Variants in ITGAX observed in about 807,000 individuals in gnomAD.
The protein encoded by ITGAX is integrin subunit alpha X.
ITGAX carries 99 observed loss-of-function variants against 140.2 expected under a neutral mutation model. That is an observed-to-expected ratio of 0.71 (90% CI 0.60 to 0.83). ITGAX has a LOEUF of 0.83. Among genes scored for constraint, ITGAX ranks in the 40% least tolerant of loss-of-function variants. ITGAX has a pLI of 0.00. For missense variants in ITGAX, 1,444 were observed against 1,482.0 expected (o/e 0.97, Z 0.42); for synonymous variants, 631 against 600.4 (o/e 1.05, Z -0.75).
At position 31,382,232 on chromosome 16, in the gene ITGAX, T is replaced by C. The variant is rs1313111665; in HGVS notation, c.*325T>C. On this transcript the variant is annotated 3_prime_UTR_variant, in exon 30 of 30. Transcript: ENST00000268296. ...CGAATGATCTTTCTTTCCTTTCTTT[T>C]TTTTTTTTTTTCTTTTCTTTTTTTT... 30 of 1,193,710 alleles carry C rather than the reference T, an allele frequency of 2.5e-5. No individual in the cohort carries two copies. Among genetic ancestry groups the C allele is most frequent in the Admixed American group, 3.7e-5 (1 of 27,320 alleles). The allele number at this position is 1,193,710 out of a possible 1,614,324, so 73.9% of individuals were successfully genotyped here. A position where few individuals can be genotyped will look rare whatever the true frequency, so the allele number is the denominator to read the frequency against.
chr16:31,380,802 G>C, intron 28 of ITGAX, 95 bp from the exon 29 acceptor site: 1 of 1,295,324 alleles, frequency 7.7e-7, no homozygotes, highest in Non-Finnish European at 1.1e-6. Flanking sequence ...CAGGGCCTGG[G>C]GAAGGAGGGG....
At position 31,355,297 on chromosome 16, in the gene ITGAX, C is replaced by T. The variant is rs553196346; in HGVS notation, c.37+6C>T. ...AGCACTCCTCCTGTTCACAGGTGAG[C>T]CTGGACCCCAATGAAGTAGGGCTGG... On this transcript the variant is annotated splice_donor_region_variant and intron_variant, in intron 1 of 29. Transcript: ENST00000268296. 2 of 1,613,748 alleles carry T rather than the reference C, an allele frequency of 1.2e-6. No individual in the cohort carries two copies. Among genetic ancestry groups the T allele is most frequent in the East Asian group, 2.2e-5 (1 of 44,888 alleles).
Position 31,363,006 on chromosome 16 carries a change from C to T in ITGAX, c.1431C>T (p.Leu477=), listed in dbSNP as rs1233171136. Residue 477 remains leucine, a synonymous_variant, in exon 13 of 30, where the codon CTC becomes CTT. Transcript: ENST00000268296. ...GCGACGGCAGCACCGACCTGGTCCT[C>T]ATCGGGGCCCCCCATTACTACGAGC... The part of the protein sequence containing the change: ...VDSDGSTDLV[L]IGAPHYYEQT... 1.2e-6 allele frequency: 2 copies of T among 1,611,590 alleles called. No homozygotes were observed. The highest frequency in any genetic ancestry group is 2.2e-5 in the South Asian group (2 of 90,980).
At chr16:31,367,508 A>G (rs1405874818) in intron 14 of ITGAX, among the ~76,000 whole-genome samples, 1 of 152,236 alleles carries the variant, frequency 6.6e-6, no homozygotes, top group Admixed American at 6.5e-5. Context: ...GCCCTGAAGA[A>G]TGATGCTAAA....
chr16:31,365,574 C>G (rs1347382872), intron 14 of ITGAX, among the ~76,000 whole-genome samples: 1 of 152,170 alleles, frequency 6.6e-6, no homozygotes, highest in African/African-American at 2.4e-5. Context: ...GCATGAAGTG[C>G]CTGGCACACA....
At chr16:31,361,272 T>G in intron 9 of ITGAX, 59 bp downstream of exon 9, 1 of 1,541,878 alleles carries the variant, frequency 6.5e-7, no homozygotes, top group Non-Finnish European at 8.8e-7. Flanking sequence ...CCTTTCCACT[T>G]AGAACCCGAG....
Position 31,362,188 on chromosome 16 carries a change from G to A in ITGAX, c.1200G>A (p.Met400Ile), listed in dbSNP as rs1483899036. ...ACATGTCTCAGGAGAATGTGGACAT[G>A]AGGGACTCTTACCTGGGTGAGAAAC... ...FINMSQENVD[M>I]RDSYLGYSTE... Residue 400 changes from methionine (M) to isoleucine (I), a missense_variant, in exon 11 of 30, where the codon ATG becomes ATA. By Grantham distance (10) the Met-to-Ile change is conservative (BLOSUM62 1). Coordinates refer to ENST00000268296, the MANE Select transcript of ITGAX (RefSeq NM_000887.5). 6.2e-7 allele frequency: 1 copy of A among 1,614,030 alleles called. No individual in the cohort carries two copies. The highest frequency in any genetic ancestry group is 8.5e-7 in the Non-Finnish European group (1 of 1,179,978).
rs560325525 is a variant in ITGAX at position 31,356,787 on chromosome 16, G to A, written c.247+59G>A. 9.1e-5 allele frequency: 117 copies of A among 1,284,446 alleles called. No homozygotes were observed. In the East Asian group the frequency reaches 2.6e-3, roughly 29 times the overall value. 79.6% of individuals were successfully genotyped at this position (1,284,446 alleles called of 1,614,324 possible). ...GGCTCCCAGGCTTCCCTGCTCCAGG[G>A]GCCCGTGGACTCACCGGAGTGTCAC... is the stretch of plus-strand genomic sequence containing the variant. On this transcript the variant is annotated intron_variant, in intron 3 of 29. Coordinates refer to ENST00000268296, the MANE Select transcript of ITGAX (RefSeq NM_000887.5).
intron 14 of ITGAX, among the ~76,000 whole-genome samples, chr16:31,364,862 A>G (rs898613061): frequency 3.8e-4 from 57 of 151,384 alleles, no homozygotes; most frequent in Non-Finnish European, 2.1e-4. Context: ...ACAAAAAAAA[A>G]AAAAAAATTA....
chr16:31,356,488 A>G lies in ITGAX; in HGVS notation c.144-137A>G, dbSNP rs889242734. 3 of 620,078 alleles carry G rather than the reference A, an allele frequency of 4.8e-6. No individual in the cohort carries two copies. In the African/African-American group the frequency reaches 5.5e-5, roughly 11 times the overall value. 38.4% of individuals were successfully genotyped at this position (620,078 alleles called of 1,614,324 possible). ...AATCCAACAGACAGAAATCCCTTCC[A>G]CATGGACTTTAAATTATTAAAATCC... On this transcript the variant is annotated intron_variant, in intron 2 of 29. Coordinates refer to ENST00000268296, the MANE Select transcript of ITGAX (RefSeq NM_000887.5).
chr16:31,371,521 A>G (rs1177819295), intron 16 of ITGAX, 24 bp downstream of exon 16: 7 of 1,611,984 alleles, frequency 4.3e-6, no homozygotes, highest in South Asian at 1.1e-5. Context: ...CCTCCAACCC[A>G]GGACACCCTG....
chr16:31,358,069 G>C (rs557769560), intron 5 of ITGAX: 2 of 152,406 alleles, frequency 1.3e-5, no homozygotes, highest in South Asian at 4.1e-4. Flanking sequence ...CTGCAAATAG[G>C]GTGTGCCTTC....
At chr16:31,368,227 G>C (rs2080911525) in intron 14 of ITGAX, among the ~76,000 whole-genome samples, 1 of 148,550 alleles carries the variant, frequency 6.7e-6, no homozygotes, top group South Asian at 2.2e-4. Flanking sequence ...ACAAGATTAA[G>C]AATATTACAT....
chr16:31,357,528 C>A (rs1259879432), intron 5 of ITGAX, 164 bp downstream of exon 5: 2 of 591,536 alleles, frequency 3.4e-6, no homozygotes, highest in Non-Finnish European at 6.0e-6. Flanking sequence ...CACATCCTGC[C>A]GATCGCCCGC....
chr16:31,360,089 A>C, intron 7 of ITGAX, 24 bp downstream of exon 7: 1 of 1,606,286 alleles, frequency 6.2e-7, no homozygotes, highest in South Asian at 1.1e-5. Context: ...TCTTCCAGGC[A>C]CAGTCCCAAA....
At chr16:31,362,479 T>C (rs1444430191) in intron 11 of ITGAX, 132 bp from the exon 12 acceptor site, 9 of 1,024,798 alleles carry the variant, frequency 8.8e-6, no homozygotes, top group African/African-American at 3.0e-5. Flanking sequence ...GGAGAGAGGA[T>C]GGGGGCTGCA....
Position 31,368,426 on chromosome 16 carries a change from AG to A in ITGAX, c.1711-2656del, listed in dbSNP as rs1414621481. ...GGCAGGAGAATCGCTTGAACCCCTC[AG>A]GCAAAGGTTGCAGTGAGCCGAGATC... On this transcript the variant is annotated intron_variant, in intron 14 of 29. Transcript: ENST00000268296. Among the ~76,000 whole-genome samples the A allele has an allele frequency of 2.1e-5, 3 of 143,596 alleles. No individual in the cohort carries two copies. The East Asian group carries it at 6.2e-4, about 30-fold the overall frequency. 94.2% of individuals were successfully genotyped at this position (143,596 alleles called of 152,430 possible).
chr16:31,380,332 C>A lies in ITGAX; in HGVS notation c.3127C>A (p.Leu1043Met). The A allele has an allele frequency of 6.2e-7, 1 of 1,614,228 alleles. No homozygotes were observed. Among genetic ancestry groups the A allele is most frequent in the Non-Finnish European group, 8.5e-7 (1 of 1,180,048 alleles). Residue 1043 changes from leucine to methionine, a missense_variant, in exon 27 of 30, where the codon CTG becomes ATG. Physicochemically the swap from Leu to Met is conservative, Grantham distance 15. Transcript: ENST00000268296. ...CCCCTCCTTCAGCGTCCAGGAGGAGCTGGATTTCACCCTGAAGGGCAACCT... is the reference window on the plus strand; with the variant it reads ...CCCCTCCTTCAGCGTCCAGGAGGAGATGGATTTCACCCTGAAGGGCAACCT... ...DVPSFSVQEE[L>M]DFTLKGNLSF...
intron 14 of ITGAX, among the ~76,000 whole-genome samples, chr16:31,367,366 A>G (rs1420731776): frequency 6.6e-6 from 1 of 152,248 alleles, no homozygotes; most frequent in Non-Finnish European, 1.5e-5. Flanking sequence ...GATGGCATCT[A>G]GGACTTTCAG....
Sources: gnomAD v4.1 joint callset for allele counts (sites outside exome capture counted in the v4.1 genomes callset) on GRCh38, gnomAD v4.1.1 for gene constraint, MANE v1.5 for transcripts, NCBI Gene and HGNC (gene_info 2026-07-23, HGNC 2026-07-21) for gene names.